SPHKAP: variants seen among roughly 807,000 people sequenced by gnomAD.
The protein encoded by SPHKAP is SPHK1 interactor, AKAP domain containing.
SPHKAP carries 67 observed loss-of-function variants against 137.5 expected under a neutral mutation model. The observed-to-expected ratio is 0.49, with a 90% CI of 0.40 to 0.60. SPHKAP has a LOEUF of 0.60. SPHKAP is among the 20% of genes least tolerant of loss of function. The pLI is 0.00. For synonymous variants in SPHKAP, 813 were observed against 785.3 expected (o/e 1.04, Z -0.59); for missense variants, 2,097 against 2,069.3 (o/e 1.01, Z -0.26).
At chr2:228,098,035 T>C (rs759462806) in intron 3 of SPHKAP, among the ~76,000 whole-genome samples, 26 of 152,250 alleles carry the variant, frequency 1.7e-4, no homozygotes, top group Non-Finnish European at 2.6e-4. Context: ...CAGTTCTGTT[T>C]TAATTTATTT....
chr2:228,094,237 T>C (rs1421516482), intron 3 of SPHKAP, among the ~76,000 whole-genome samples: 1 of 152,212 alleles, frequency 6.6e-6, no homozygotes, highest in African/African-American at 2.4e-5. Context: ...TTAAAAGTGA[T>C]GTATTCACTG....
Position 228,016,598 on chromosome 2 carries a change from C to A in SPHKAP, c.4256G>T (p.Arg1419Leu), listed in dbSNP as rs2396519. 2 of 1,613,844 alleles carry A rather than the reference C, an allele frequency of 1.2e-6. No individual in the cohort carries two copies. The highest frequency in any genetic ancestry group is 2.2e-5 in the East Asian group (1 of 44,888). ...QDPVPINHKRRSLCSREVPLI... is the reference protein window; with the variant it reads ...QDPVPINHKRLSLCSREVPLI... ...AGGCACTTCCCTCGAGCAAAGTGAT[C>A]GCCTTTTGTGGTTTATTGGTACAGG... The change falls in exon 7 of 12, where the codon CGA (arginine) becomes CTA (leucine). Residue 1419 changes from arginine (R) to leucine (L), a missense_variant. Physicochemically the swap from Arg to Leu is moderately radical, Grantham distance 102. Transcript: ENST00000392056.
At chr2:228,096,630 C>CTGTG (rs59745287) in intron 3 of SPHKAP, among the ~76,000 whole-genome samples, 6,396 of 148,844 alleles carry the variant, frequency 0.043, 184 homozygotes, top group Middle Eastern at 0.14. Context: ...CAGGGGTCAA[C>CTGTG]TGTGTGTGTG....
chr2:228,113,213 T>G (rs1698574010), intron 2 of SPHKAP, among the ~76,000 whole-genome samples: 1 of 152,148 alleles, frequency 6.6e-6, no homozygotes, highest in African/African-American at 2.4e-5. Flanking sequence ...TCATTAACAT[T>G]TAGATGATTC....
intron 7 of SPHKAP, among the ~76,000 whole-genome samples, chr2:228,005,957 T>G (rs555330405): frequency 6.6e-6 from 1 of 152,302 alleles, no homozygotes; most frequent in East Asian, 1.9e-4. Flanking sequence ...ACCTTTCTCT[T>G]TGGCTGCCCT....
In SPHKAP at chr2:228,181,117, C is replaced by A. The variant is rs535549650; in HGVS notation, c.32+450G>T. 6.6e-6 allele frequency among the ~76,000 whole-genome samples: 1 copy of A among 152,064 alleles called. No homozygotes were observed. The highest frequency in any genetic ancestry group is 1.5e-5 in the Non-Finnish European group (1 of 68,016). ...GGACAATCTTCCCCACCCCAGCAGCCCCAGACACCCGCCCAGGTCAAGGTG... is the reference window on the plus strand; with the variant it reads ...GGACAATCTTCCCCACCCCAGCAGCACCAGACACCCGCCCAGGTCAAGGTG... On this transcript the variant is annotated intron_variant, in intron 1 of 11. Coordinates refer to ENST00000392056, the MANE Select transcript of SPHKAP (RefSeq NM_001142644.2). This position sits in a 1 kb window ranked among gnomAD's most constrained non-coding sequence, Gnocchi z 4.3.
rs540293771 is a variant in SPHKAP at position 228,018,581 on chromosome 2, G to A, written c.2273C>T (p.Ala758Val). Residue 758 changes from alanine (A) to valine (V), a missense_variant, in exon 7 of 12, where the codon GCT becomes GTT. Coordinates refer to ENST00000392056, the MANE Select transcript of SPHKAP (RefSeq NM_001142644.2). ...AGTGGCTTTTGTCCAAGCTTGACTA[G>A]CACCCGGATCAGATGGCTGGCAGCT... The part of the protein sequence containing the change: ...EPSCQPSDPG[A>V]SQAWTKATES... The A allele has an allele frequency of 3.2e-5, 51 of 1,613,866 alleles. No homozygotes were observed. In the South Asian group the frequency reaches 3.7e-4, roughly 12 times the overall value.
At chr2:227,987,170 C>T (rs1403052933) in intron 11 of SPHKAP, among the ~76,000 whole-genome samples, 1 of 152,170 alleles carries the variant, frequency 6.6e-6, no homozygotes, top group African/African-American at 2.4e-5. Flanking sequence ...TTCTAGGCTC[C>T]ACTACCAGAA....
rs546453652 is a variant in SPHKAP at position 228,131,668 on chromosome 2, T to C, written c.138+312A>G. The C allele has an allele frequency of 4.3e-4, 209 of 481,178 alleles. 1 individual carries two copies. Among genetic ancestry groups the C allele is most frequent in the Non-Finnish European group, 5.4e-4 (199 of 369,336 alleles). 29.8% of individuals were successfully genotyped at this position (481,178 alleles called of 1,614,324 possible). On this transcript the variant is annotated intron_variant, in intron 2 of 11. Coordinates refer to ENST00000392056, the MANE Select transcript of SPHKAP (RefSeq NM_001142644.2). ...AATATGTTGAGTCATTCAAAATGCATGAACATTTTTCTGAAAGGAGATGCA... is the reference window on the plus strand; with the variant it reads ...AATATGTTGAGTCATTCAAAATGCACGAACATTTTTCTGAAAGGAGATGCA...
chr2:228,014,186 C>T (rs573159002), intron 7 of SPHKAP, among the ~76,000 whole-genome samples: 1 of 152,258 alleles, frequency 6.6e-6, no homozygotes, highest in East Asian at 1.9e-4. Context: ...ACTACTATTT[C>T]ATGAACATTC....
At chr2:228,143,588 C>G (rs937047803) in intron 1 of SPHKAP, among the ~76,000 whole-genome samples, 5 of 151,536 alleles carry the variant, frequency 3.3e-5, no homozygotes, top group African/African-American at 1.2e-4. Flanking sequence ...CTCCGCCTCC[C>G]TGGTTCAAGC....
At chr2:228,163,721 C>T (rs945732418) in intron 1 of SPHKAP, among the ~76,000 whole-genome samples, 2 of 152,162 alleles carry the variant, frequency 1.3e-5, no homozygotes, top group African/African-American at 4.8e-5. Context: ...GGGTTGCCTT[C>T]TTATTTGCAT....
intron 1 of SPHKAP, among the ~76,000 whole-genome samples, chr2:228,161,630 C>T (rs556450992): frequency 7.2e-5 from 11 of 152,056 alleles, no homozygotes; most frequent in Non-Finnish European, 8.8e-5. Flanking sequence ...ATAGGTGCAG[C>T]AAACCACCAT....
At chr2:228,114,112 A>C (rs1698625024) in intron 2 of SPHKAP, among the ~76,000 whole-genome samples, 1 of 152,150 alleles carries the variant, frequency 6.6e-6, no homozygotes, top group Admixed American at 6.6e-5. Flanking sequence ...CAGGCTCTCA[A>C]TGGCTCATTT....
At position 228,016,394 on chromosome 2, in the gene SPHKAP, C is replaced by G. The variant is rs751199571; in HGVS notation, c.4448+12G>C. On this transcript the variant is annotated intron_variant, in intron 7 of 11. Transcript: ENST00000392056. ...CACATGCACCCTATGTAGTCTGAGA[C>G]GATTCACTCACCTATGGATTTGACA... 5 of 1,564,764 alleles carry G rather than the reference C, an allele frequency of 3.2e-6. No individual in the cohort carries two copies. In the East Asian group the frequency reaches 1.1e-4, roughly 35 times the overall value.
chr2:228,068,858 T>G (rs1696912654), intron 3 of SPHKAP, among the ~76,000 whole-genome samples: 1 of 152,206 alleles, frequency 6.6e-6, no homozygotes, highest in Non-Finnish European at 1.5e-5. Context: ...ATATTTAGTT[T>G]TAAAAGAATG....
chr2:228,001,507 G>A (rs987594327), intron 7 of SPHKAP, among the ~76,000 whole-genome samples: 34 of 136,700 alleles, frequency 2.5e-4, no homozygotes, highest in South Asian at 1.2e-3. Flanking sequence ...GTATATATAC[G>A]TATATATAAG....
chr2:228,127,371 G>A (rs1389005670), intron 2 of SPHKAP, among the ~76,000 whole-genome samples: 1 of 152,152 alleles, frequency 6.6e-6, no homozygotes, highest in East Asian at 1.9e-4. Context: ...TTTATTGGGT[G>A]CTTTTGTTCT....
chr2:228,099,069 C>T (rs1698100853), intron 3 of SPHKAP, among the ~76,000 whole-genome samples: 1 of 152,018 alleles, frequency 6.6e-6, no homozygotes, highest in African/African-American at 2.4e-5. Flanking sequence ...GTTTTTGTTG[C>T]AATTGCTTTT....
Sources: gnomAD v4.1 joint callset for allele counts (sites outside exome capture counted in the v4.1 genomes callset) on GRCh38, gnomAD v4.1.1 for gene constraint, Gnocchi (gnomAD v3.1) non-coding constraint, MANE v1.5 for transcripts, NCBI Gene and HGNC (gene_info 2026-07-23, HGNC 2026-07-21) for gene names.